The following TCF4 variants were observed in gnomAD, a reference collection of about 807,000 sequenced individuals.
The protein encoded by TCF4 is transcription factor 4.
In TCF4, 3 loss-of-function variants were observed where a neutral mutation model predicts 82.1. That is an observed-to-expected ratio of 0.04 (90% CI 0.02 to 0.09). The LOEUF is 0.09. Ranked by LOEUF, TCF4 falls within the 10% of genes least tolerant of loss-of-function variation. The pLI, the probability that TCF4 is intolerant of heterozygous loss-of-function variation, is 1.00. For synonymous variants in TCF4, 276 were observed against 309.6 expected (o/e 0.89, Z 1.14); for missense variants, 518 against 852.7 (o/e 0.61, Z 4.89).
chr18:55,240,884 GAGA>G (rs1396738056), intron 15 of TCF4, among the ~76,000 whole-genome samples: 2 of 152,170 alleles, frequency 1.3e-5, no homozygotes, highest in Non-Finnish European at 2.9e-5. Context: ...TGTATGTCGG[GAGA>G]AGATTTCATA....
upstream of TCF4, chr18:55,588,752 C>T (rs894911568): frequency 3.4e-5 from 42 of 1,247,916 alleles, no homozygotes; most frequent in South Asian, 1.9e-4. Flanking sequence ...ATTTTCGTTT[C>T]GGTAGTTTTG....
At chr18:55,325,195 C>T (rs948071579) in intron 8 of TCF4, among the ~76,000 whole-genome samples, 1 of 152,102 alleles carries the variant, frequency 6.6e-6, no homozygotes, top group African/African-American at 2.4e-5. Context: ...ATTTCATGAA[C>T]AATTATTTAG....
At chr18:55,401,243 T>C (rs968789361) in intron 6 of TCF4, 5 of 1,189,186 alleles carry the variant, frequency 4.2e-6, no homozygotes, top group Non-Finnish European at 5.3e-6. Context: ...GTCCCTATTT[T>C]CCCTCTGTCA....
chr18:55,619,173 A>C (rs1243695221), intron 2 of TCF4, among the ~76,000 whole-genome samples: 2 of 151,972 alleles, frequency 1.3e-5, no homozygotes, highest in Non-Finnish European at 2.9e-5. Flanking sequence ...TGGTGGTGAG[A>C]TTAAGGAGGT....
intron 2 of TCF4, among the ~76,000 whole-genome samples, chr18:55,631,023 A>T (rs1054840185): frequency 6.6e-6 from 1 of 151,030 alleles, no homozygotes; most frequent in Admixed American, 6.6e-5. Context: ...CATATGCAAC[A>T]TGTTTATCTT....
intron 3 of TCF4, among the ~76,000 whole-genome samples, chr18:55,485,459 G>T (rs1286391290): frequency 6.6e-6 from 1 of 152,044 alleles, no homozygotes; most frequent in East Asian, 1.9e-4. Context: ...ACTCATTTTT[G>T]TCTAAGTCCA....
intron 3 of TCF4, among the ~76,000 whole-genome samples, chr18:55,560,800 T>C (rs1006960083): frequency 6.6e-6 from 1 of 151,634 alleles, no homozygotes; most frequent in African/African-American, 2.4e-5. Flanking sequence ...GTGAACTCCT[T>C]TTTTTTTTCA....
chr18:55,386,878 C>T (rs942776711), intron 6 of TCF4, among the ~76,000 whole-genome samples: 8 of 152,168 alleles, frequency 5.3e-5, no homozygotes, highest in Admixed American at 5.2e-4. Flanking sequence ...ATAAGGGGTG[C>T]TCCAGTTGAG....
chr18:55,300,692 A>C (rs2067971014), intron 8 of TCF4, among the ~76,000 whole-genome samples: 1 of 152,150 alleles, frequency 6.6e-6, no homozygotes, highest in African/African-American at 2.4e-5. Flanking sequence ...ACAAAATAGA[A>C]AAGCACATGC....
intron 15 of TCF4, among the ~76,000 whole-genome samples, chr18:55,238,980 G>A (rs1422304600): frequency 6.6e-6 from 1 of 152,180 alleles, no homozygotes; most frequent in Non-Finnish European, 1.5e-5. Context: ...ATAAGATCAT[G>A]TAGTCCAAAC....
intron 3 of TCF4, among the ~76,000 whole-genome samples, chr18:55,532,302 A>T (rs943316898): frequency 1.3e-5 from 2 of 152,174 alleles, no homozygotes; most frequent in South Asian, 2.1e-4. Flanking sequence ...ATCATCATCA[A>T]CACGCCATGG....
chr18:55,372,510 A>T (rs76766399), intron 6 of TCF4, among the ~76,000 whole-genome samples: 3,491 of 152,224 alleles, frequency 0.023, 150 homozygotes, highest in African/African-American at 0.079. Flanking sequence ...TTTAAAACTC[A>T]AATTTTATAT....
intron 8 of TCF4, among the ~76,000 whole-genome samples, chr18:55,297,904 T>C (rs1371146648): frequency 6.6e-6 from 1 of 152,166 alleles, no homozygotes; most frequent in Admixed American, 6.5e-5. Flanking sequence ...ATATATTACA[T>C]GTAGGAGGGC....
At chr18:55,340,229 G>A (rs896199664) in intron 8 of TCF4, among the ~76,000 whole-genome samples, 1 of 152,118 alleles carries the variant, frequency 6.6e-6, no homozygotes, top group Non-Finnish European at 1.5e-5. Flanking sequence ...TTGGCCAAGG[G>A]AACCACAGTA....
At chr18:55,351,058 A>G (rs781758334) in intron 6 of TCF4, 55 bp from the exon 7 acceptor site, 1 of 1,606,472 alleles carries the variant, frequency 6.2e-7, no homozygotes, top group Non-Finnish European at 8.5e-7. Flanking sequence ...TACTTTCACC[A>G]CCTCCCAACT....
At chr18:55,498,292 C>T (rs1354597760) in intron 3 of TCF4, among the ~76,000 whole-genome samples, 2 of 152,154 alleles carry the variant, frequency 1.3e-5, no homozygotes, top group Non-Finnish European at 2.9e-5. Context: ...TGGCCCTCGC[C>T]TTACACAACC....
intron 5 of TCF4, among the ~76,000 whole-genome samples, chr18:55,418,559 A>AT (rs2094603612): frequency 2.6e-5 from 4 of 152,332 alleles, no homozygotes; most frequent in African/African-American, 9.6e-5. Context: ...ATACATGCTC[A>AT]AATGAGCTTC....
chr18:55,614,317 G>A (rs907115551), intron 2 of TCF4, among the ~76,000 whole-genome samples: 15 of 152,314 alleles, frequency 9.8e-5, no homozygotes, highest in African/African-American at 3.6e-4. Flanking sequence ...GGTTAGGTGT[G>A]TGTCTTAGGA....
intron 5 of TCF4, among the ~76,000 whole-genome samples, chr18:55,439,030 T>G (rs1450690884): frequency 6.6e-6 from 1 of 152,152 alleles, no homozygotes; most frequent in Non-Finnish European, 1.5e-5. Context: ...ATGGGAGTTA[T>G]CAGCCTGGGA....
Sources: allele counts gnomAD v4.1 joint callset (sites outside exome capture counted in the v4.1 genomes callset), GRCh38; gene constraint gnomAD v4.1.1; transcripts MANE v1.5; gene names NCBI Gene and HGNC (gene_info 2026-07-23, HGNC 2026-07-21).